Variants in FHIT observed in about 807,000 individuals in gnomAD.
The protein encoded by FHIT is fragile histidine triad diadenosine triphosphatase, also known as bis(5'-adenosyl)-triphosphatase.
A neutral mutation model predicts 17.9 loss-of-function variants in FHIT; 19 were observed. The ratio of observed to expected loss-of-function variants is 1.06; its 90% CI spans 0.74 to 1.56. The LOEUF (loss-of-function observed/expected upper bound fraction) is 1.56, where lower values mean the gene tolerates loss of function less well. FHIT is among the 40% of genes most tolerant of loss of function. FHIT has a pLI of 0.00. For missense variants in FHIT, 248 were observed against 189.2 expected, an observed-to-expected ratio of 1.31 and a Z score of -1.82; for synonymous variants, 81 against 69.7, an observed-to-expected ratio of 1.16 and a Z score of -0.81.
At chr3:60,372,319 C>T (rs1258641750) in intron 5 of FHIT, among the ~76,000 whole-genome samples, 1 of 152,174 alleles carries the variant, frequency 6.6e-6, no homozygotes, top group African/African-American at 2.4e-5. Context: ...CACCACCACC[C>T]TCTTTTCTTT....
At chr3:60,873,856 A>T (rs1164924456) in intron 3 of FHIT, among the ~76,000 whole-genome samples, 1 of 152,174 alleles carries the variant, frequency 6.6e-6, no homozygotes, top group Non-Finnish European at 1.5e-5. Context: ...ATAAACTTCG[A>T]TGTATAGAAA....
intron 4 of FHIT, among the ~76,000 whole-genome samples, chr3:60,637,933 G>T (rs1553684358): frequency 6.6e-6 from 1 of 152,126 alleles, no homozygotes; most frequent in Non-Finnish European, 1.5e-5. Flanking sequence ...TTTTGTTGTG[G>T]AAAGCTATCA....
intron 3 of FHIT, among the ~76,000 whole-genome samples, chr3:60,890,221 TAAAAAAAAAAAAA>T (rs59950717): frequency 6.1e-5 from 7 of 115,652 alleles, no homozygotes; most frequent in East Asian, 2.2e-4. Context: ...TTCCATGATG[TAAAAAAAAAAAAA>T]AAAAAAAAAA....
At chr3:60,553,816 T>A (rs193085170) in intron 4 of FHIT, among the ~76,000 whole-genome samples, 1 of 152,228 alleles carries the variant, frequency 6.6e-6, no homozygotes, top group African/African-American at 2.4e-5. Flanking sequence ...CCAAGCACAG[T>A]GGCTCACACC....
chr3:60,407,252 CT>C (rs1353892815), intron 5 of FHIT, among the ~76,000 whole-genome samples: 2 of 151,842 alleles, frequency 1.3e-5, no homozygotes, highest in Non-Finnish European at 2.9e-5. Context: ...TTTAATCCAC[CT>C]TGTGCTTCGG....
intron 3 of FHIT, among the ~76,000 whole-genome samples, chr3:60,979,316 A>C (rs187563552): frequency 6.6e-6 from 1 of 152,328 alleles, no homozygotes; most frequent in East Asian, 1.9e-4. Context: ...TAAAGGAATC[A>C]AGAAGATACT....
chr3:59,757,431 G>A (rs989974595), intron 8 of FHIT, among the ~76,000 whole-genome samples: 1 of 152,180 alleles, frequency 6.6e-6, no homozygotes, highest in Admixed American at 6.5e-5. Context: ...TGTCGATTTT[G>A]ACACTGTGCT....
At chr3:59,787,614 CTT>C (rs1699369691) in intron 8 of FHIT, among the ~76,000 whole-genome samples, 1 of 152,098 alleles carries the variant, frequency 6.6e-6, no homozygotes. Flanking sequence ...TCACGGATCT[CTT>C]GATTAGCTCA....
chr3:60,427,504 T>C (rs1702716950), intron 5 of FHIT, among the ~76,000 whole-genome samples: 1 of 152,152 alleles, frequency 6.6e-6, no homozygotes, highest in Admixed American at 6.5e-5. Flanking sequence ...TAAATTTCTG[T>C]GGCTTTAAGC....
intron 2 of FHIT, among the ~76,000 whole-genome samples, chr3:61,044,754 G>A (rs1220454198): frequency 6.6e-6 from 1 of 152,202 alleles, no homozygotes; most frequent in Non-Finnish European, 1.5e-5. Flanking sequence ...TACCCACAAA[G>A]GGAAGCACAT....
Position 61,130,283 on chromosome 3 carries a change from C to T in FHIT, c.-164+70334G>A, listed in dbSNP as rs185479382. On this transcript the variant is annotated intron_variant, in intron 2 of 9. Transcript: ENST00000492590. Reference sequence around the variant, plus strand: ...AAAAAGAACCTGTTTCTGCCATTTCCTTGACCATACAACTCCACGTGTTGT... The same window carrying T: ...AAAAAGAACCTGTTTCTGCCATTTCTTTGACCATACAACTCCACGTGTTGT... Among the ~76,000 whole-genome samples the T allele has an allele frequency of 8.3e-4, 127 of 152,296 alleles. No individual in the cohort carries two copies. In the Middle Eastern group the frequency reaches 0.01, roughly 12 times the overall value.
At chr3:59,999,334 CGTTAAA>C (rs1699638612) in intron 7 of FHIT, among the ~76,000 whole-genome samples, 1 of 152,082 alleles carries the variant, frequency 6.6e-6, no homozygotes, top group African/African-American at 2.4e-5. Context: ...GCACCACCAT[CGTTAAA>C]GTTAATGGAA....
chr3:60,214,492 T>C (rs953059452), intron 5 of FHIT, among the ~76,000 whole-genome samples: 1 of 152,162 alleles, frequency 6.6e-6, no homozygotes, highest in Non-Finnish European at 1.5e-5. Flanking sequence ...CTCCCTGAAC[T>C]GTCAAAACCT....
chr3:61,097,148 C>T (rs1377612609), intron 2 of FHIT, among the ~76,000 whole-genome samples: 1 of 151,514 alleles, frequency 6.6e-6, no homozygotes, highest in Non-Finnish European at 1.5e-5. Context: ...CCAGTCTGTA[C>T]CTCCCAGCGT....
chr3:60,856,222 C>T (rs1370734306), intron 3 of FHIT, among the ~76,000 whole-genome samples: 5 of 151,986 alleles, frequency 3.3e-5, no homozygotes, highest in Non-Finnish European at 7.4e-5. Context: ...TGAGCCCTGA[C>T]ATACGTCTTC....
At chr3:60,675,356 G>A (rs542354857) in intron 4 of FHIT, among the ~76,000 whole-genome samples, 50 of 152,098 alleles carry the variant, frequency 3.3e-4, no homozygotes, top group Non-Finnish European at 5.4e-4. Context: ...GTGAGTTGCC[G>A]AGGCTTCCTG....
chr3:59,804,176 T>G (rs553187184), intron 8 of FHIT, among the ~76,000 whole-genome samples: 4 of 152,346 alleles, frequency 2.6e-5, no homozygotes, highest in Admixed American at 2.6e-4. Context: ...CTGGTTCATT[T>G]GAGGAGAGTA....
At chr3:60,317,499 C>T (rs1709216514) in intron 5 of FHIT, among the ~76,000 whole-genome samples, 1 of 150,724 alleles carries the variant, frequency 6.6e-6, no homozygotes, top group Admixed American at 6.6e-5. Flanking sequence ...TACTAACATG[C>T]AGTTTGTGTT....
At chr3:60,237,288 TC>T (rs1364472722) in intron 5 of FHIT, among the ~76,000 whole-genome samples, 59 of 133,240 alleles carry the variant, frequency 4.4e-4, no homozygotes, top group African/African-American at 1.7e-3. Flanking sequence ...TTTTGGTTAA[TC>T]TGATGATAGC....
Sources: gnomAD v4.1 joint callset for allele counts (sites outside exome capture counted in the v4.1 genomes callset) on GRCh38, gnomAD v4.1.1 for gene constraint, MANE v1.5 for transcripts, NCBI Gene and HGNC (gene_info 2026-07-23, HGNC 2026-07-21) for gene names.